SPTB: variants seen among roughly 807,000 people sequenced by gnomAD.
SPTB encodes spectrin beta, erythrocytic.
In SPTB, 45 loss-of-function variants were observed where a neutral mutation model predicts 256.2. The ratio of observed to expected loss-of-function variants is 0.18; its 90% confidence interval spans 0.14 to 0.23. The LOEUF is 0.23. Among genes scored for constraint, SPTB ranks in the 10% least tolerant of loss-of-function variants. The probability of loss-of-function intolerance (pLI) is 1.00; values close to 1 mark genes in which losing one functional copy is unlikely to be tolerated. For missense variants in SPTB, 2,715 were observed against 3,040.4 expected, an observed-to-expected ratio of 0.89 and a Z score of 2.52; for synonymous variants, 1,231 against 1,243.1, an observed-to-expected ratio of 0.99 and a Z score of 0.21.
chr14:64,854,324 GCTGGAGTGCAGT>G (rs368880569), intron 1 of SPTB, among the ~76,000 whole-genome samples: 13,636 of 120,224 alleles, frequency 0.11, 845 homozygotes, highest in Non-Finnish European at 0.14. Context: ...TGTTGTCCAG[GCTGGAGTGCAGT>G]GGTGCGATCT....
At chr14:64,750,266 G>T in intron 33 of SPTB, 112 bp from the exon 34 acceptor site, 1 of 1,080,834 alleles carries the variant, frequency 9.3e-7, no homozygotes, top group Non-Finnish European at 1.3e-6. Flanking sequence ...CTGATACATA[G>T]TAACATGTTT....
At chr14:64,831,760 G>A (rs538689897) in intron 1 of SPTB, among the ~76,000 whole-genome samples, 20 of 152,226 alleles carry the variant, frequency 1.3e-4, no homozygotes, top group Admixed American at 3.9e-4. Flanking sequence ...ACTGGGGCAG[G>A]GACAGGTAAA....
chr14:64,839,562 A>G (rs2083574206), intron 1 of SPTB, among the ~76,000 whole-genome samples: 1 of 152,240 alleles, frequency 6.6e-6, no homozygotes, highest in Admixed American at 6.5e-5. Context: ...TACTGTATGT[A>G]AATTATGCTT....
intron 15 of SPTB, 140 bp from the exon 16 acceptor site, chr14:64,787,300 T>C: frequency 1.9e-6 from 2 of 1,076,200 alleles, no homozygotes; most frequent in Non-Finnish European, 2.6e-6. Context: ...AAAAAAAAAA[T>C]CTACCTAACG....
In SPTB at chr14:64,793,678, G is replaced by T. The variant is rs1056571409; in HGVS notation, c.1985C>A (p.Ser662Tyr). Residue 662 changes from serine to tyrosine, a missense_variant, in exon 14 of 36, where the codon TCC becomes TAC. Around this residue, in one of 4 missense-constraint regions of SPTB, gnomAD observed 2,239 missense variants for 2,384.4 expected, o/e 0.94. Coordinates refer to ENST00000644917, the MANE Select transcript of SPTB (RefSeq NM_001355436.2). This position sits in a 1 kb window ranked among gnomAD's most constrained non-coding sequence, Gnocchi z 7.0. ...GGTCAGGTCTTTGCCATAGTCCAGG[G>T]AAGAATAGATCTGCTCCTTCTCCTT... is the stretch of plus-strand genomic sequence containing the variant. The part of the protein sequence containing the change: ...WIKEKEQIYS[S>Y]LDYGKDLTSV... 1.5e-5 allele frequency: 25 copies of T among 1,614,028 alleles called. No homozygotes were observed. The highest frequency in any genetic ancestry group is 1.9e-5 in the Non-Finnish European group (23 of 1,180,046).
chr14:64,766,742 G>A lies in SPTB; in HGVS notation c.6329C>T (p.Thr2110Ile). 1 of 1,613,286 alleles carries A rather than the reference G, an allele frequency of 6.2e-7. No individual in the cohort carries two copies. The highest frequency in any genetic ancestry group is 8.5e-7 in the Non-Finnish European group (1 of 1,179,958). The change falls in exon 32 of 36, where the codon ACC (threonine) becomes ATC (isoleucine). Residue 2110 changes from threonine (T) to isoleucine (I), a missense_variant. Physicochemically the swap from Thr to Ile is moderately conservative, Grantham distance 89. Transcript: ENST00000644917. ...GEAPVSHHAA[T>I]ERTSPGEEEG... ...GAGACTGACCGGGGACGTTCTCTCG[G>A]TGGCCGCATGGTGGGAAACTGGAGC...
chr14:64,790,463 AG>A lies in SPTB; in HGVS notation c.2804+1255del, dbSNP rs2082650470. ...ACAAACTCATTACCTACAAGGCGAA[AG>A]AAGAGGGAAGAGGTATTCTCTTCCT... is the stretch of plus-strand genomic sequence containing the variant. On this transcript the variant is annotated intron_variant, in intron 15 of 35. Coordinates refer to ENST00000644917, the MANE Select transcript of SPTB (RefSeq NM_001355436.2). The surrounding 1 kb of genome is among the most constrained non-coding windows in gnomAD (Gnocchi z 4.8). 6.6e-6 allele frequency among the ~76,000 whole-genome samples: 1 copy of A among 152,234 alleles called. No individual in the cohort carries two copies. The highest frequency in any genetic ancestry group is 1.5e-5 in the Non-Finnish European group (1 of 68,044).
Position 64,778,329 on chromosome 14 carries a change from G to C in SPTB, c.4563+828C>G, listed in dbSNP as rs544157157. Among the ~76,000 whole-genome samples, 5 of 152,302 alleles carry C rather than the reference G, an allele frequency of 3.3e-5. No individual in the cohort carries two copies. Among genetic ancestry groups the C allele is most frequent in the African/African-American group, 1.2e-4 (5 of 41,580 alleles). On this transcript the variant is annotated intron_variant, in intron 22 of 35. Transcript: ENST00000644917. This position sits in a 1 kb window ranked among gnomAD's most constrained non-coding sequence, Gnocchi z 5.2. ...CATGACCTTCCTTCCTCAAGGAGCT[G>C]CAATACTAACCGGGCACTCTGGGAC... is the stretch of plus-strand genomic sequence containing the variant.
chr14:64,771,102 G>A lies in SPTB; in HGVS notation c.5581C>T (p.Arg1861Cys), dbSNP rs757007250. 14 of 1,613,840 alleles carry A rather than the reference G, an allele frequency of 8.7e-6. No homozygotes were observed. The highest frequency in any genetic ancestry group is 2.2e-5 in the East Asian group (1 of 44,890). The change falls in exon 27 of 36, where the codon CGT becomes TGT. Residue 1861 changes from arginine (R) to cysteine (C), a missense_variant. Physicochemically the swap from Arg to Cys is radical, Grantham distance 180. This residue lies in a region of SPTB where 2,239 missense variants were observed against 2,384.4 expected (regional missense o/e 0.94). Coordinates refer to ENST00000644917, the MANE Select transcript of SPTB (RefSeq NM_001355436.2). ...TCCCCAGCATATGCTGTCTGCAGAC[G>A]GGTGGCCACGTCCTGGAACTGCTGC... is the stretch of plus-strand genomic sequence containing the variant. ...QVQQFQDVAT[R>C]LQTAYAGEKA... is the part of the protein sequence containing the mutation.
intron 2 of SPTB, among the ~76,000 whole-genome samples, chr14:64,815,370 C>T (rs17767673): frequency 0.081 from 12,336 of 152,240 alleles, 615 homozygotes; most frequent in Middle Eastern, 0.12. Context: ...CCAAGCAGCG[C>T]TGTGATGACT....
intron 33 of SPTB, chr14:64,752,427 A>T (rs1187062197): frequency 1.2e-5 from 5 of 431,134 alleles, no homozygotes; most frequent in African/African-American, 1.1e-4. Context: ...CATTTTACGA[A>T]GCCCCATTTC....
At chr14:64,818,276 G>A (rs552517877) in intron 2 of SPTB, among the ~76,000 whole-genome samples, 7 of 152,340 alleles carry the variant, frequency 4.6e-5, no homozygotes, top group South Asian at 4.1e-4. Context: ...CAGGCCCTTC[G>A]CAGGAGGCTC....
In SPTB at chr14:64,879,833, T is replaced by TGGC. The variant is rs531112547; in HGVS notation, c.-96_-94dup. ...GCGGGGGCCACCCCGAGCCCGGGGG[T>TGGC]GGCGGCGGCGGCGGCGCAGGGGGAG... is the stretch of plus-strand genomic sequence containing the variant. On this transcript the variant is annotated 5_prime_UTR_variant, in exon 1 of 36. Coordinates refer to ENST00000644917, the MANE Select transcript of SPTB (RefSeq NM_001355436.2). The TGGC allele has an allele frequency of 1.6e-3, 241 of 150,236 alleles. No individual in the cohort carries two copies. Among genetic ancestry groups the TGGC allele is most frequent in the Non-Finnish European group, 2.4e-3 (160 of 67,702 alleles). The allele number at this position is 150,236 out of a possible 1,614,324, so 9.3% of individuals were successfully genotyped here.
In SPTB at chr14:64,749,230, C is replaced by G; in HGVS notation, c.*76G>C. ...TCATCTCGATTCGACCGGCGGGCGG[C>G]GGCGAGAGGAGGCCAAGGCCTGGGC... On this transcript the variant is annotated 3_prime_UTR_variant, in exon 36 of 36. Coordinates refer to ENST00000644917, the MANE Select transcript of SPTB (RefSeq NM_001355436.2). This position sits in a 1 kb window ranked among gnomAD's most constrained non-coding sequence, Gnocchi z 4.7. 1 of 1,502,404 alleles carries G rather than the reference C, an allele frequency of 6.7e-7. No homozygotes were observed. Among genetic ancestry groups the G allele is most frequent in the South Asian group, 1.2e-5 (1 of 82,714 alleles). 93.1% of individuals were successfully genotyped at this position (1,502,404 alleles called of 1,614,324 possible).
At chr14:64,803,858 T>C in intron 3 of SPTB, 78 bp from the exon 4 acceptor site, 1 of 1,479,142 alleles carries the variant, frequency 6.8e-7, no homozygotes, top group South Asian at 1.3e-5. Context: ...GACCAGCTCC[T>C]GTCATAAGCA....
chr14:64,813,573 G>C (rs540056557), intron 2 of SPTB, among the ~76,000 whole-genome samples: 2 of 152,342 alleles, frequency 1.3e-5, no homozygotes, highest in African/African-American at 4.8e-5. Context: ...CCAGACCGGA[G>C]TGCAGTGGTG....
chr14:64,766,934 G>T, intron 31 of SPTB, 133 bp from the exon 32 acceptor site: 1 of 1,195,004 alleles, frequency 8.4e-7, no homozygotes, highest in Non-Finnish European at 1.2e-6. Flanking sequence ...CCGGCAGCCT[G>T]GATGGTGCTT....
chr14:64,851,251 G>C (rs1046761015), intron 1 of SPTB, among the ~76,000 whole-genome samples: 1 of 152,192 alleles, frequency 6.6e-6, no homozygotes, highest in Non-Finnish European at 1.5e-5. Flanking sequence ...CTGTGTCATG[G>C]GTTCAAATTC....
At chr14:64,812,935 TTAAA>T (rs1169949017) in intron 2 of SPTB, among the ~76,000 whole-genome samples, 7 of 152,222 alleles carry the variant, frequency 4.6e-5, no homozygotes, top group Non-Finnish European at 1.0e-4. Flanking sequence ...AAATAGCAAC[TTAAA>T]TAATCAAAAA....
Sources: gnomAD v4.1 joint callset for allele counts (sites outside exome capture counted in the v4.1 genomes callset) on GRCh38, gnomAD v4.1.1 for gene constraint, gnomAD v4.1.1 regional missense constraint, Gnocchi (gnomAD v3.1) non-coding constraint, MANE v1.5 for transcripts, NCBI Gene and HGNC (gene_info 2026-07-23, HGNC 2026-07-21) for gene names.